The following ITSN1 variants were observed in gnomAD, a reference collection of about 807,000 sequenced individuals.
The protein encoded by ITSN1 is intersectin 1, also known as intersectin-1.
ITSN1 carries 58 observed loss-of-function variants against 239.8 expected under a neutral mutation model. The observed-to-expected ratio is 0.24, with a 90% CI of 0.20 to 0.30. ITSN1 has a LOEUF of 0.30. Among genes scored for constraint, ITSN1 ranks in the 10% least tolerant of loss-of-function variants. ITSN1 has a pLI of 1.00. For missense variants in ITSN1, 1,558 were observed against 2,103.3 expected (o/e 0.74, Z 5.07); for synonymous variants, 780 against 770.8 (o/e 1.01, Z -0.20).
chr21:33,761,890 C>T (rs779020350), intron 8 of ITSN1, 33 bp from the exon 9 acceptor site: 1 of 1,536,508 alleles, frequency 6.5e-7, no homozygotes, highest in South Asian at 1.1e-5. Flanking sequence ...TTTGCTGACT[C>T]ATCTGTATGT....
intron 12 of ITSN1, among the ~76,000 whole-genome samples, chr21:33,772,964 A>G (rs1264889424): frequency 6.6e-6 from 1 of 151,770 alleles, no homozygotes; most frequent in South Asian, 2.1e-4. Flanking sequence ...AAACCACTGT[A>G]ATAGTATCAT....
At chr21:33,773,544 C>T (rs538461003) in intron 12 of ITSN1, among the ~76,000 whole-genome samples, 46 of 152,254 alleles carry the variant, frequency 3.0e-4, no homozygotes, top group African/African-American at 1.1e-3. Context: ...TGCCTCAAGC[C>T]TGTAATCCCA....
intron 16 of ITSN1, among the ~76,000 whole-genome samples, chr21:33,791,817 A>G (rs73199882): frequency 0.016 from 2,382 of 152,302 alleles, 33 homozygotes; most frequent in Non-Finnish European, 0.025. Flanking sequence ...TATTTTGAAT[A>G]TCACTCATGA....
chr21:33,807,569 C>T (rs1035062068), intron 20 of ITSN1, among the ~76,000 whole-genome samples: 2 of 152,172 alleles, frequency 1.3e-5, no homozygotes, highest in African/African-American at 4.8e-5. Flanking sequence ...AGTGTTCCAT[C>T]CACCTTGGCT....
At chr21:33,851,166 C>T (rs2148461082) in intron 29 of ITSN1, among the ~76,000 whole-genome samples, 1 of 152,296 alleles carries the variant, frequency 6.6e-6, no homozygotes, top group Non-Finnish European at 1.5e-5. Context: ...CCCTTCCCAC[C>T]TTTCCACCTT....
rs557211166 is a variant in ITSN1 at position 33,734,611 on chromosome 21, C to T, written c.186-433C>T. Among the ~76,000 whole-genome samples the T allele has an allele frequency of 7.9e-5, 12 of 152,240 alleles. No homozygotes were observed. The South Asian group carries it at 1.7e-3, about 21-fold the overall frequency. ...AGTATCTCTAGCAATATTAACATTC[C>T]GCTTCTAAATCTTTTTCTTTTCTAA... On this transcript the variant is annotated intron_variant, in intron 4 of 39. Transcript: ENST00000381318.
intron 2 of ITSN1, among the ~76,000 whole-genome samples, chr21:33,719,445 TAAAC>T (rs750391818): frequency 2.0e-5 from 3 of 152,104 alleles, no homozygotes; most frequent in Admixed American, 6.6e-5. Flanking sequence ...CATCTCTAAA[TAAAC>T]AAACAAACAA....
chr21:33,645,785 A>G (rs1052857426), intron 1 of ITSN1, among the ~76,000 whole-genome samples: 2 of 152,220 alleles, frequency 1.3e-5, no homozygotes, highest in African/African-American at 4.8e-5. Context: ...TCTCCTGCAT[A>G]GGGAAGTTGG....
At chr21:33,789,938 C>G (rs2070976967) in intron 16 of ITSN1, among the ~76,000 whole-genome samples, 1 of 152,164 alleles carries the variant, frequency 6.6e-6, no homozygotes, top group South Asian at 2.1e-4. Context: ...GTTCAAATAT[C>G]TTAGTTCTTT....
chr21:33,756,204 T>C (rs1355372001), intron 8 of ITSN1, among the ~76,000 whole-genome samples: 1 of 150,850 alleles, frequency 6.6e-6, no homozygotes, highest in Non-Finnish European at 1.5e-5. Flanking sequence ...GGCAGGAGAA[T>C]TGCTGGAACC....
rs1017728735 is a variant in ITSN1 at position 33,819,224 on chromosome 21, T to G, written c.2934-17T>G. 6.9e-6 allele frequency: 11 copies of G among 1,582,932 alleles called. No homozygotes were observed. In the African/African-American group the frequency reaches 1.5e-4, roughly 21 times the overall value. The stretch of plus-strand genomic sequence containing the variant: ...TGAAGATAAAAATTAAAATACTCTC[T>G]TCTTCCATTATTGCAGCATGGATTC... On this transcript the variant is annotated splice_polypyrimidine_tract_variant and intron_variant, in intron 23 of 39. Transcript: ENST00000381318.
At chr21:33,664,490 C>T (rs753027803) in intron 1 of ITSN1, among the ~76,000 whole-genome samples, 5 of 152,138 alleles carry the variant, frequency 3.3e-5, no homozygotes, top group African/African-American at 7.2e-5. Flanking sequence ...ACCCCATGAC[C>T]TGAAAACACC....
rs913496941 is a variant in ITSN1, at chr21:33,797,029, A to G, written c.1953-350A>G. Among the ~76,000 whole-genome samples the G allele has an allele frequency of 6.6e-6, 1 of 152,002 alleles. No homozygotes were observed. The highest frequency in any genetic ancestry group is 1.5e-5 in the Non-Finnish European group (1 of 68,008). On this transcript the variant is annotated intron_variant, in intron 17 of 39. Transcript: ENST00000381318. The surrounding 1 kb of genome is among the most constrained non-coding windows in gnomAD (Gnocchi z 4.9). Reference sequence around the variant, plus strand: ...GTGTTGTTCCCTTTGCTGGGGGGAAATTTTTACAGTGTTGGGTGTATTTTA... The same window carrying G: ...GTGTTGTTCCCTTTGCTGGGGGGAAGTTTTTACAGTGTTGGGTGTATTTTA...
intron 1 of ITSN1, among the ~76,000 whole-genome samples, chr21:33,713,828 CTTTTTTTTTTTT>C (rs35226795): frequency 1.1e-5 from 1 of 89,364 alleles, no homozygotes; most frequent in Non-Finnish European, 1.9e-5. Context: ...CCAGCCTCAT[CTTTTTTTTTTTT>C]TTTTTTTTTT....
intron 16 of ITSN1, among the ~76,000 whole-genome samples, chr21:33,791,626 C>T (rs972325888): frequency 1.5e-4 from 23 of 152,074 alleles, no homozygotes; most frequent in South Asian, 6.2e-4. Flanking sequence ...TACTTAAATC[C>T]GGTAATCAAT....
chr21:33,719,479 C>T (rs746825308), intron 2 of ITSN1, among the ~76,000 whole-genome samples: 3 of 152,136 alleles, frequency 2.0e-5, no homozygotes, highest in Non-Finnish European at 4.4e-5. Context: ...TATTATTGTA[C>T]CTGTAAAATG....
At chr21:33,826,400 G>T (rs916126692) in intron 25 of ITSN1, among the ~76,000 whole-genome samples, 3 of 152,194 alleles carry the variant, frequency 2.0e-5, no homozygotes, top group Non-Finnish European at 4.4e-5. Context: ...CGGGTAGTAG[G>T]CTCGTGAGTT....
At chr21:33,842,493 A>G (rs562774485) in intron 29 of ITSN1, among the ~76,000 whole-genome samples, 2 of 127,262 alleles carry the variant, frequency 1.6e-5, no homozygotes, top group Non-Finnish European at 1.6e-5. Context: ...TATGATGTCA[A>G]CGGTGTGTGT....
intron 1 of ITSN1, among the ~76,000 whole-genome samples, chr21:33,703,277 A>G (rs1484812787): frequency 6.6e-6 from 1 of 152,026 alleles, no homozygotes; most frequent in African/African-American, 2.4e-5. Flanking sequence ...ATCTATATCA[A>G]CATTAGGGAT....
Sources: gnomAD v4.1 joint callset for allele counts (sites outside exome capture counted in the v4.1 genomes callset) on GRCh38, gnomAD v4.1.1 for gene constraint, Gnocchi (gnomAD v3.1) non-coding constraint, MANE v1.5 for transcripts, NCBI Gene and HGNC (gene_info 2026-07-23, HGNC 2026-07-21) for gene names.